The following EGFLAM variants were observed in gnomAD, a reference collection of about 807,000 sequenced individuals.
The protein encoded by EGFLAM is pikachurin.
A neutral mutation model predicts 113.1 loss-of-function variants in EGFLAM; 79 were observed. The observed-to-expected ratio is 0.70, with a 90% CI of 0.58 to 0.84. EGFLAM has a LOEUF of 0.84. EGFLAM is among the 40% of genes least tolerant of loss of function. The pLI, the probability that EGFLAM is intolerant of heterozygous loss-of-function variation, is 0.00. For missense variants in EGFLAM, 1,265 were observed against 1,291.6 expected (o/e 0.98, Z 0.32); for synonymous variants, 504 against 487.6 (o/e 1.03, Z -0.44).
Position 38,279,048 on chromosome 5 carries a change from G to A in EGFLAM, c.97+20197G>A, listed in dbSNP as rs546108919. Among the ~76,000 whole-genome samples the A allele has an allele frequency of 5.9e-5, 9 of 152,146 alleles. No homozygotes were observed. The South Asian group carries it at 1.9e-3, about 32-fold the overall frequency. On this transcript the variant is annotated intron_variant, in intron 1 of 21. Transcript: ENST00000322350. ...AAACAAATAACACAATTAAAAAGTAGGCAAAAGATCTGAATAGACATTTCT... is the reference window on the plus strand; with the variant it reads ...AAACAAATAACACAATTAAAAAGTAAGCAAAAGATCTGAATAGACATTTCT...
At chr5:38,334,461 A>T (rs1205908204) in intron 1 of EGFLAM, among the ~76,000 whole-genome samples, 2 of 152,124 alleles carry the variant, frequency 1.3e-5, no homozygotes, top group African/African-American at 4.8e-5. Flanking sequence ...GCTCTCTAGG[A>T]TATCTTTTGG....
intron 15 of EGFLAM, among the ~76,000 whole-genome samples, chr5:38,433,974 G>C (rs1427868493): frequency 6.6e-6 from 1 of 152,176 alleles, no homozygotes; most frequent in Non-Finnish European, 1.5e-5. Flanking sequence ...GATAAACAGA[G>C]CTTCTTCCTC....
At chr5:38,397,596 G>A (rs1740995507) in intron 6 of EGFLAM, among the ~76,000 whole-genome samples, 2 of 151,816 alleles carry the variant, frequency 1.3e-5, no homozygotes, top group African/African-American at 4.8e-5. Flanking sequence ...TCCAGCATCA[G>A]ATTCAATATT....
chr5:38,270,983 CAATTTCATTTCCTT>C (rs1399462930), intron 1 of EGFLAM, among the ~76,000 whole-genome samples: 3 of 152,230 alleles, frequency 2.0e-5, no homozygotes, highest in African/African-American at 7.2e-5. Flanking sequence ...GAAATGAGAA[CAATTTCATTTCCTT>C]AATTTCATAT....
At chr5:38,388,776 AAGTT>A (rs1740732287) in intron 6 of EGFLAM, among the ~76,000 whole-genome samples, 1 of 150,666 alleles carries the variant, frequency 6.6e-6, no homozygotes. Context: ...AAAAAAAAAA[AAGTT>A]AGCTGGGCTC....
intron 9 of EGFLAM, 28 bp downstream of exon 9, chr5:38,407,933 GC>G: frequency 6.5e-7 from 1 of 1,539,284 alleles, no homozygotes; most frequent in Non-Finnish European, 9.0e-7. Context: ...TTTGATGAGT[GC>G]TTTTTGGACA....
chr5:38,295,941 G>C (rs1222769651), intron 1 of EGFLAM, among the ~76,000 whole-genome samples: 1 of 152,132 alleles, frequency 6.6e-6, no homozygotes, highest in Admixed American at 6.5e-5. Context: ...TATTTAAATT[G>C]CAAAACACAA....
At chr5:38,262,412 G>A (rs1757521048) in intron 1 of EGFLAM, among the ~76,000 whole-genome samples, 2 of 152,146 alleles carry the variant, frequency 1.3e-5, no homozygotes, top group African/African-American at 4.8e-5. Flanking sequence ...AGTTTGATGA[G>A]CCCTAACAAA....
chr5:38,423,702 C>T (rs1561083819), intron 12 of EGFLAM, among the ~76,000 whole-genome samples: 1 of 152,186 alleles, frequency 6.6e-6, no homozygotes, highest in Non-Finnish European at 1.5e-5. Flanking sequence ...GACCACTGGT[C>T]ATGTCTGCCT....
chr5:38,378,086 A>G (rs1043467980), intron 6 of EGFLAM, among the ~76,000 whole-genome samples: 1 of 152,106 alleles, frequency 6.6e-6, no homozygotes, highest in Non-Finnish European at 1.5e-5. Flanking sequence ...GTTTTCTTCC[A>G]CAGTTTCAGA....
At chr5:38,403,395 T>C (rs1278600316) in intron 6 of EGFLAM, 1 of 156,282 alleles carries the variant, frequency 6.4e-6, no homozygotes, top group African/African-American at 2.4e-5. Flanking sequence ...TTGAGAACTT[T>C]CACCTTTTAA....
At position 38,418,125 on chromosome 5, in the gene EGFLAM, T is replaced by C. The variant is rs765565971; in HGVS notation, c.1554T>C (p.Ala518=). The C allele has an allele frequency of 1.9e-6, 3 of 1,614,212 alleles. No individual in the cohort carries two copies. Among genetic ancestry groups the C allele is most frequent in the South Asian group, 1.1e-5 (1 of 91,086 alleles). The change falls in exon 12 of 22, where the codon GCT becomes GCC. Residue 518 remains alanine (A), a synonymous_variant. Transcript: ENST00000322350. The part of the protein sequence containing the change: ...TPLYLGGAPS[A]YWLVRATGTN... ...TCTATCTTGGTGGCGCTCCCAGCGC[T>C]TACTGGTTGGTTAGAGCAACAGGGA...
chr5:38,454,295 G>A (rs1012481601), intron 19 of EGFLAM, among the ~76,000 whole-genome samples: 8 of 152,222 alleles, frequency 5.3e-5, no homozygotes, highest in East Asian at 1.9e-4. Context: ...GGGTGTTTCC[G>A]GGACCCATGC....
At chr5:38,313,631 A>G (rs566177337) in intron 1 of EGFLAM, among the ~76,000 whole-genome samples, 1 of 152,362 alleles carries the variant, frequency 6.6e-6, no homozygotes, top group South Asian at 2.1e-4. Context: ...ATCAAAACAT[A>G]TAAAAACACT....
At chr5:38,368,395 C>T (rs988933985) in intron 5 of EGFLAM, among the ~76,000 whole-genome samples, 2 of 152,168 alleles carry the variant, frequency 1.3e-5, no homozygotes, top group Non-Finnish European at 2.9e-5. Flanking sequence ...TTTCCAAACA[C>T]GTTAACACAC....
chr5:38,417,906 T>G (rs1741703378), intron 11 of EGFLAM, among the ~76,000 whole-genome samples, 160 bp from the exon 12 acceptor site: 1 of 152,164 alleles, frequency 6.6e-6, no homozygotes. Flanking sequence ...ATCGTGGGTT[T>G]AATTTTCCAG....
intron 10 of EGFLAM, among the ~76,000 whole-genome samples, chr5:38,411,991 G>C (rs977241883): frequency 6.6e-6 from 1 of 151,896 alleles, no homozygotes; most frequent in East Asian, 1.9e-4. Flanking sequence ...GTAGAAACGG[G>C]GTTTCACCAT....
chr5:38,419,472 G>C lies in EGFLAM; in HGVS notation c.1684+1217G>C, dbSNP rs551481017. Among the ~76,000 whole-genome samples the C allele has an allele frequency of 6.0e-4, 91 of 152,288 alleles. 1 individual carries two copies. Among genetic ancestry groups the C allele is most frequent in the African/African-American group, 2.2e-3 (90 of 41,570 alleles). On this transcript the variant is annotated intron_variant, in intron 12 of 21. Coordinates refer to ENST00000322350, the MANE Select transcript of EGFLAM (RefSeq NM_152403.4). Reference sequence around the variant, plus strand: ...ATTTTGAAAGAATGCACAGTGAACAGCATAGTCTCACTGCCTAGATTCTAC... The same window carrying C: ...ATTTTGAAAGAATGCACAGTGAACACCATAGTCTCACTGCCTAGATTCTAC...
Position 38,451,300 on chromosome 5 carries a change from G to T in EGFLAM, c.2544-15G>T. The T allele has an allele frequency of 6.2e-7, 1 of 1,609,336 alleles. No homozygotes were observed. The highest frequency in any genetic ancestry group is 8.5e-7 in the Non-Finnish European group (1 of 1,176,948). On this transcript the variant is annotated splice_polypyrimidine_tract_variant and intron_variant, in intron 18 of 21. Transcript: ENST00000322350. ...GGTGGTTGATTTGGTGGACTTATTT[G>T]TGTATTTCCTCCAGGGTGTCAGGAT...
Sources: allele counts gnomAD v4.1 joint callset (sites outside exome capture counted in the v4.1 genomes callset), GRCh38; gene constraint gnomAD v4.1.1; transcripts MANE v1.5; gene names NCBI Gene and HGNC (gene_info 2026-07-23, HGNC 2026-07-21).